The following CEP83 variants were observed in gnomAD, a reference collection of about 807,000 sequenced individuals.
CEP83 encodes the protein centrosomal protein of 83 kDa.
CEP83 carries 70 observed loss-of-function variants against 101.9 expected under a neutral mutation model. That is an observed-to-expected ratio of 0.69 (90% CI 0.57 to 0.84). CEP83 has a LOEUF of 0.84. CEP83 is among the 40% of genes least tolerant of loss of function. CEP83 has a pLI of 0.00. For synonymous variants in CEP83, 264 were observed against 267.9 expected (o/e 0.99, Z 0.14); for missense variants, 715 against 787.2 (o/e 0.91, Z 1.10).
At chr12:94,453,116 T>C (rs1030914496) in intron 1 of CEP83, among the ~76,000 whole-genome samples, 6 of 152,208 alleles carry the variant, frequency 3.9e-5, no homozygotes, top group African/African-American at 7.2e-5. Context: ...ATGTGCATTC[T>C]TTCTTTGGTT....
downstream of CEP83, chr12:94,307,215 C>CACTT (rs1346959540): frequency 3.3e-5 from 5 of 152,172 alleles, no homozygotes; most frequent in Admixed American, 1.3e-4. Flanking sequence ...TTGGGCAAGT[C>CACTT]ACTTACCTCT....
chr12:94,303,997 TGAA>T (rs1457992349), downstream of CEP83: 32 of 1,601,074 alleles, frequency 2.0e-5, no homozygotes, highest in Non-Finnish European at 2.5e-5. Flanking sequence ...ATGAATTTAA[TGAA>T]GAAGTGGCCT....
chr12:94,413,871 T>C (rs988652225), intron 2 of CEP83, among the ~76,000 whole-genome samples: 26 of 147,044 alleles, frequency 1.8e-4, no homozygotes, highest in African/African-American at 6.1e-4. Flanking sequence ...CACACATACA[T>C]ACATATTTTT....
At chr12:94,396,281 T>C (rs1220924041) in intron 6 of CEP83, among the ~76,000 whole-genome samples, 1 of 101,904 alleles carries the variant, frequency 9.8e-6, no homozygotes, top group Non-Finnish European at 2.0e-5. Context: ...AAAGCATGAC[T>C]TTTTTTTTTT....
chr12:94,321,774 C>T (rs972667981), intron 14 of CEP83, among the ~76,000 whole-genome samples: 4 of 152,132 alleles, frequency 2.6e-5, no homozygotes, highest in Admixed American at 6.5e-5. Flanking sequence ...CCACTAGGAG[C>T]TCTGTCCCAG....
intron 1 of CEP83, among the ~76,000 whole-genome samples, chr12:94,448,226 T>G (rs1232074756): frequency 6.6e-6 from 1 of 152,108 alleles, no homozygotes; most frequent in Non-Finnish European, 1.5e-5. Flanking sequence ...GGAGGCCATT[T>G]CATAATGAAA....
chr12:94,384,949 A>C (rs1477027125), intron 6 of CEP83, among the ~76,000 whole-genome samples: 1 of 152,188 alleles, frequency 6.6e-6, no homozygotes. Flanking sequence ...GTGGTGTGAC[A>C]AGCAATTTTC....
At chr12:94,305,062 A>C (rs183230192), downstream of CEP83, 1 of 638,952 alleles carries the variant, frequency 1.6e-6, no homozygotes, top group Admixed American at 2.8e-5. Flanking sequence ...TAAATGATGG[A>C]AGAAAATGTT....
chr12:94,286,408 A>C, the CEP83 span, among the ~76,000 whole-genome samples: 1 of 152,090 alleles, frequency 6.6e-6, no homozygotes, highest in East Asian at 1.9e-4. Flanking sequence ...AGCCACCTAC[A>C]TCTATATTTG....
At chr12:94,423,795 T>G in intron 2 of CEP83, 1 of 1,613,774 alleles carries the variant, frequency 6.2e-7, no homozygotes, top group Non-Finnish European at 8.5e-7. Flanking sequence ...GTGTGTCCAC[T>G]GCCACTTGGT....
intron 11 of CEP83, among the ~76,000 whole-genome samples, chr12:94,342,708 AT>A (rs1305937066): frequency 6.6e-6 from 1 of 152,216 alleles, no homozygotes; most frequent in African/African-American, 2.4e-5. Context: ...AAATTTAAAA[AT>A]AAGAGGATAA....
Position 94,308,645 on chromosome 12 carries a change from T to TA in CEP83, c.*167dup. 1 of 451,282 alleles carries TA rather than the reference T, an allele frequency of 2.2e-6. No individual in the cohort carries two copies. The highest frequency in any genetic ancestry group is 4.0e-6 in the Non-Finnish European group (1 of 251,228). The allele number at this position is 451,282 out of a possible 1,614,324, so 28.0% of individuals were successfully genotyped here. ...TTTTAATGCTTCACTTGTATAATCT[T>TA]AAAATCCTGACAGTCATACAATACA... On this transcript the variant is annotated 3_prime_UTR_variant, in exon 17 of 17. Coordinates refer to ENST00000397809, the MANE Select transcript of CEP83 (RefSeq NM_016122.3).
At chr12:94,268,657 C>T in the CEP83 span, among the ~76,000 whole-genome samples, 1 of 138,526 alleles carries the variant, frequency 7.2e-6, no homozygotes, top group Non-Finnish European at 1.5e-5. Flanking sequence ...TGCAGTGGCG[C>T]AGTCTTGGCT....
In CEP83 at chr12:94,412,497, A is replaced by G. The variant is rs748348312; in HGVS notation, c.-7T>C. 1.9e-6 allele frequency: 3 copies of G among 1,610,028 alleles called. No individual in the cohort carries two copies. Among genetic ancestry groups the G allele is most frequent in the African/African-American group, 2.7e-5 (2 of 74,622 alleles). On this transcript the variant is annotated 5_prime_UTR_variant, in exon 3 of 17. Coordinates refer to ENST00000397809, the MANE Select transcript of CEP83 (RefSeq NM_016122.3). ...TAAATGTGCTGACAACCATGTAAAA[A>G]TAAGTTTTGGCTTTCTTACTGTTTT...
intron 12 of CEP83, 45 bp downstream of exon 12, chr12:94,335,544 G>T: frequency 7.9e-7 from 1 of 1,260,538 alleles, no homozygotes; most frequent in Non-Finnish European, 1.1e-6. Context: ...TAAATTTAAA[G>T]AAGCACTTGA....
chr12:94,347,094 TACAC>T (rs549488983), intron 11 of CEP83, among the ~76,000 whole-genome samples: 1 of 138,624 alleles, frequency 7.2e-6, no homozygotes, highest in African/African-American at 2.6e-5. Context: ...CACACACACA[TACAC>T]ACACACACAC....
downstream of CEP83, chr12:94,305,165 T>C: frequency 6.5e-7 from 1 of 1,528,406 alleles, no homozygotes; most frequent in Non-Finnish European, 9.0e-7. Flanking sequence ...AAAATAACTG[T>C]TCTAATTGTC....
chr12:94,339,687 T>G (rs1331970614), intron 11 of CEP83, among the ~76,000 whole-genome samples: 1 of 152,222 alleles, frequency 6.6e-6, no homozygotes, highest in Non-Finnish European at 1.5e-5. Context: ...CAAAGAGTCC[T>G]ACAAGTCTCA....
At chr12:94,442,931 C>T (rs565345690) in intron 1 of CEP83, among the ~76,000 whole-genome samples, 42 of 152,308 alleles carry the variant, frequency 2.8e-4, no homozygotes, top group Non-Finnish European at 5.4e-4. Context: ...AGTGCCGAAT[C>T]TTAAATATTT....
Sources: gnomAD v4.1 joint callset for allele counts (sites outside exome capture counted in the v4.1 genomes callset) on GRCh38, gnomAD v4.1.1 for gene constraint, MANE v1.5 for transcripts, NCBI Gene and HGNC (gene_info 2026-07-23, HGNC 2026-07-21) for gene names.